The following PCDHA9 variants were observed in gnomAD, a reference collection of about 807,000 sequenced individuals.
PCDHA9 encodes protocadherin alpha-9.
Under a neutral mutation model 62.0 loss-of-function variants are expected in PCDHA9, and 62 were observed. The ratio of observed to expected loss-of-function variants is 1.00; its 90% CI spans 0.81 to 1.23. The LOEUF is 1.23. Among genes scored for constraint, PCDHA9 ranks in the 50% most tolerant of loss-of-function variants. PCDHA9 has a pLI of 0.00. For missense variants in PCDHA9, 1,205 were observed against 1,249.8 expected (o/e 0.96, Z 0.54); for synonymous variants, 557 against 567.6 (o/e 0.98, Z 0.27).
intron 1 of PCDHA9, among the ~76,000 whole-genome samples, chr5:140,907,922 G>T (rs1554193181): frequency 6.6e-6 from 1 of 152,174 alleles, no homozygotes; most frequent in Admixed American, 6.5e-5. Context: ...ACTCAGAGAG[G>T]TCCATTCACA....
At chr5:140,875,560 C>T (rs1554167756) in intron 1 of PCDHA9, 2 of 1,614,124 alleles carry the variant, frequency 1.2e-6, no homozygotes, top group Admixed American at 3.3e-5. Flanking sequence ...GGGGAGCGGC[C>T]AGCTCCACTA....
intron 1 of PCDHA9, among the ~76,000 whole-genome samples, chr5:140,935,456 C>G (rs981681011): frequency 6.6e-6 from 1 of 152,150 alleles, no homozygotes; most frequent in Non-Finnish European, 1.5e-5. Flanking sequence ...GATACTGTAG[C>G]AGTTTAAGTT....
At chr5:140,871,140 C>T (rs939950931) in intron 1 of PCDHA9, 2 of 1,613,336 alleles carry the variant, frequency 1.2e-6, no homozygotes, top group Non-Finnish European at 8.5e-7. Context: ...AGGCCTCTTC[C>T]CGGACTTTGG....
intron 1 of PCDHA9, among the ~76,000 whole-genome samples, chr5:140,904,227 C>T (rs1373458999): frequency 5.9e-5 from 9 of 151,978 alleles, no homozygotes; most frequent in African/African-American, 2.2e-4. Context: ...TTGTATTATA[C>T]TTATGCCTTT....
At chr5:140,870,614 C>G in intron 1 of PCDHA9, 2 of 1,613,212 alleles carry the variant, frequency 1.2e-6, no homozygotes, top group South Asian at 2.2e-5. Flanking sequence ...CGCGCGCTGT[C>G]GAGCTACGTG....
intron 1 of PCDHA9, among the ~76,000 whole-genome samples, chr5:140,888,289 C>T (rs543077496): frequency 1.3e-5 from 2 of 152,246 alleles, no homozygotes; most frequent in Admixed American, 1.3e-4. Flanking sequence ...CCTCTACCCC[C>T]TACCCAGGAG....
At chr5:140,876,742 G>C (rs1554168860) in intron 1 of PCDHA9, 3 of 1,614,274 alleles carry the variant, frequency 1.9e-6, no homozygotes, top group Admixed American at 3.3e-5. Context: ...CTATGAGCTG[G>C]TGGTGACTGC....
intron 1 of PCDHA9, among the ~76,000 whole-genome samples, chr5:140,943,373 A>G (rs1554215633): frequency 6.6e-6 from 1 of 152,128 alleles, no homozygotes; most frequent in East Asian, 1.9e-4. Flanking sequence ...TCATTAAAAT[A>G]TACAGGTAAG....
intron 1 of PCDHA9, chr5:140,884,085 G>A (rs1181483962): frequency 6.2e-7 from 1 of 1,613,484 alleles, no homozygotes; most frequent in Non-Finnish European, 8.5e-7. Flanking sequence ...TACAATGCGT[G>A]GCTTTCGTAT....
intron 1 of PCDHA9, chr5:140,852,238 A>G: frequency 1.7e-6 from 1 of 575,312 alleles, no homozygotes; most frequent in South Asian, 7.7e-5. Context: ...ATTTTCCCTT[A>G]AAACACACTT....
chr5:140,872,203 T>C (rs2053540668), intron 1 of PCDHA9, among the ~76,000 whole-genome samples: 1 of 152,208 alleles, frequency 6.6e-6, no homozygotes, highest in Non-Finnish European at 1.5e-5. Context: ...CATCATAAAT[T>C]CATTATATAT....
At chr5:140,981,479 C>T (rs1275257398) in intron 2 of PCDHA9, among the ~76,000 whole-genome samples, 20 of 152,148 alleles carry the variant, frequency 1.3e-4, no homozygotes, top group African/African-American at 4.8e-4. Flanking sequence ...GAGGCTGAGG[C>T]AGGAGAATTG....
At chr5:140,882,492 T>C (rs782572325) in intron 1 of PCDHA9, 1 of 1,614,090 alleles carries the variant, frequency 6.2e-7, no homozygotes, top group South Asian at 1.1e-5. Flanking sequence ...GGGGACCTTC[T>C]GGAGGTAAAT....
chr5:140,982,330 A>G (rs1164990385), intron 2 of PCDHA9, 145 bp from the exon 3 acceptor site: 3 of 1,429,408 alleles, frequency 2.1e-6, no homozygotes, highest in Non-Finnish European at 2.8e-6. Flanking sequence ...GTGACTGCTC[A>G]GCAGTAATTG....
In PCDHA9 at chr5:140,942,596, A is replaced by T. The variant is rs116159999; in HGVS notation, c.2395-36353A>T. On this transcript the variant is annotated intron_variant, in intron 1 of 3. Coordinates refer to ENST00000532602, the MANE Select transcript of PCDHA9 (RefSeq NM_031857.2). ...CCCATATAGGATGTCACATATAATT[A>T]TAGTGTTTATATTTGCCAATTGTAA... 7.0e-3 allele frequency among the ~76,000 whole-genome samples: 992 copies of T among 142,408 alleles called. 16 individuals carry two copies. Among genetic ancestry groups the T allele is most frequent in the African/African-American group, 0.025 (912 of 36,952 alleles). 93.4% of individuals were successfully genotyped at this position (142,408 alleles called of 152,430 possible).
intron 1 of PCDHA9, among the ~76,000 whole-genome samples, chr5:140,925,641 T>TAATA (rs2082614636): frequency 7.0e-6 from 1 of 143,358 alleles, no homozygotes; most frequent in Non-Finnish European, 1.5e-5. Flanking sequence ...GAACTTAAAG[T>TAATA]ATAATAATAA....
chr5:141,000,924 G>C (rs375816680), intron 3 of PCDHA9, among the ~76,000 whole-genome samples: 97 of 152,046 alleles, frequency 6.4e-4, no homozygotes, highest in African/African-American at 2.2e-3. Context: ...AAAAAATCCT[G>C]TGTGATTTAG....
chr5:140,988,817 C>T (rs1244038207), intron 3 of PCDHA9: 8 of 152,028 alleles, frequency 5.3e-5, no homozygotes, highest in Admixed American at 1.3e-4. Context: ...TAACAGTAGC[C>T]CCAAACAGAG....
intron 1 of PCDHA9, among the ~76,000 whole-genome samples, chr5:140,886,846 AAG>A (rs1345370045): frequency 2.0e-5 from 3 of 151,444 alleles, no homozygotes; most frequent in Admixed American, 6.6e-5. Context: ...AAAAAAAAAA[AAG>A]AAAGGTCTTC....
Sources: gnomAD v4.1 joint callset for allele counts (sites outside exome capture counted in the v4.1 genomes callset) on GRCh38, gnomAD v4.1.1 for gene constraint, MANE v1.5 for transcripts, NCBI Gene and HGNC (gene_info 2026-07-23, HGNC 2026-07-21) for gene names.